Variants in ASB17 observed in about 807,000 individuals in gnomAD.
ASB17 encodes the protein ankyrin repeat and SOCS box protein 17.
ASB17 carries 26 observed loss-of-function variants against 25.7 expected under a neutral mutation model. The ratio of observed to expected loss-of-function variants is 1.01; its 90% CI spans 0.74 to 1.40. The LOEUF (loss-of-function observed/expected upper bound fraction) is 1.40. ASB17 is among the 40% of genes most tolerant of loss of function. The pLI, the probability that ASB17 is intolerant of heterozygous loss-of-function variation, is 0.00. For synonymous variants in ASB17, 128 were observed against 121.4 expected, an observed-to-expected ratio of 1.05 and a Z score of -0.36; for missense variants, 326 against 338.5, an observed-to-expected ratio of 0.96 and a Z score of 0.29.
At chr1:75,928,391 C>A (rs1653229696) in intron 1 of ASB17, among the ~76,000 whole-genome samples, 1 of 152,196 alleles carries the variant, frequency 6.6e-6, no homozygotes, top group Non-Finnish European at 1.5e-5. Flanking sequence ...TAGCCACCTA[C>A]AATCTGTCAC....
intron 1 of ASB17, among the ~76,000 whole-genome samples, chr1:75,924,214 G>C (rs963532660): frequency 6.6e-6 from 1 of 152,170 alleles, no homozygotes; most frequent in Non-Finnish European, 1.5e-5. Context: ...AGCTATAGAA[G>C]ATAAATGTTT....
Position 75,918,886 on chromosome 1 carries a change from A to T in ASB17, c.*66T>A. 1 of 1,318,640 alleles carries T rather than the reference A, an allele frequency of 7.6e-7. No homozygotes were observed. Among genetic ancestry groups the T allele is most frequent in the Non-Finnish European group, 1.1e-6 (1 of 924,454 alleles). The allele number at this position is 1,318,640 out of a possible 1,614,324, so 81.7% of individuals were successfully genotyped here. ...TGCAATAAAAACTTACATGAAGTGA[A>T]TTTTTATTAACTTCTAAGCCATACA... On this transcript the variant is annotated 3_prime_UTR_variant, in exon 3 of 3. Transcript: ENST00000284142.
Position 75,932,205 on chromosome 1 carries a change from T to A in ASB17, c.87A>T (p.Arg29Ser), listed in dbSNP as rs1486382911. The change falls in exon 1 of 3, where the codon AGA becomes AGT. Residue 29 changes from arginine (R) to serine (S), a missense_variant. By Grantham distance (110) the Arg-to-Ser change is moderately radical. Coordinates refer to ENST00000284142, the MANE Select transcript of ASB17 (RefSeq NM_080868.3). Reference sequence around the variant, plus strand: ...ACTGACCCAAAAACTGTAGGGAGGGTCTTTTAACAATTTTGTCAAGGAGAT... The same window carrying A: ...ACTGACCCAAAAACTGTAGGGAGGGACTTTTAACAATTTTGTCAAGGAGAT... ...FCNLLDKIVK[R>S]PSLQFLGQWG... The A allele has an allele frequency of 3.1e-6, 5 of 1,613,782 alleles. No individual in the cohort carries two copies. Among genetic ancestry groups the A allele is most frequent in the Non-Finnish European group, 4.2e-6 (5 of 1,179,934 alleles).
Position 75,932,199 on chromosome 1 carries a change from G to A in ASB17, c.93C>T (p.Ser31=). The A allele has an allele frequency of 1.2e-6, 2 of 1,614,000 alleles. No individual in the cohort carries two copies. The highest frequency in any genetic ancestry group is 1.7e-6 in the Non-Finnish European group (2 of 1,179,978). The change falls in exon 1 of 3, where the codon TCC becomes TCT. Residue 31 remains serine (S), a synonymous_variant. Coordinates refer to ENST00000284142, the MANE Select transcript of ASB17 (RefSeq NM_080868.3). The stretch of plus-strand genomic sequence containing the variant: ...ATCCCCACTGACCCAAAAACTGTAG[G>A]GAGGGTCTTTTAACAATTTTGTCAA... The part of the protein sequence containing the change: ...NLLDKIVKRP[S]LQFLGQWGYH...
rs759715484 is a variant in ASB17 at position 75,932,082 on chromosome 1, G to A, written c.210C>T (p.Tyr70=). Reference sequence around the variant, plus strand: ...ATCCTGATTTTTCCACAAATGCAATGTAATCTGTGAGTAGTGCGTCAAAAC... The same window carrying A: ...ATCCTGATTTTTCCACAAATGCAATATAATCTGTGAGTAGTGCGTCAAAAC... The part of the protein sequence containing the change: ...LDGFDALLTD[Y]IAFVEKSGYR... Residue 70 remains tyrosine, a synonymous_variant, in exon 1 of 3, where the codon TAC becomes TAT. Coordinates refer to ENST00000284142, the MANE Select transcript of ASB17 (RefSeq NM_080868.3). The A allele has an allele frequency of 6.8e-6, 11 of 1,613,952 alleles. No homozygotes were observed. In the South Asian group the frequency reaches 1.2e-4, roughly 18 times the overall value.
chr1:75,926,977 AG>A (rs1653190122), intron 1 of ASB17, among the ~76,000 whole-genome samples: 1 of 152,148 alleles, frequency 6.6e-6, no homozygotes, highest in Non-Finnish European at 1.5e-5. Context: ...TAAGATCTTG[AG>A]GTGGGAAATT....
chr1:75,922,367 T>A lies in ASB17; in HGVS notation c.402-8A>T. ...TATACTGGTGTGAAAGTTCTGTGAA[T>A]TAAACAAAACAAAAACTCATTGGAT... On this transcript the variant is annotated splice_region_variant and splice_polypyrimidine_tract_variant and intron_variant, in intron 1 of 2. Transcript: ENST00000284142. 1 of 1,549,224 alleles carries A rather than the reference T, an allele frequency of 6.5e-7. No individual in the cohort carries two copies. Among genetic ancestry groups the A allele is most frequent in the Non-Finnish European group, 8.7e-7 (1 of 1,149,328 alleles).
Position 75,918,949 on chromosome 1 carries a change from A to G in ASB17, c.*3T>C, listed in dbSNP as rs374023774. The G allele has an allele frequency of 1.8e-5, 29 of 1,602,002 alleles. No homozygotes were observed. The highest frequency in any genetic ancestry group is 2.2e-5 in the Non-Finnish European group (26 of 1,169,336). On this transcript the variant is annotated 3_prime_UTR_variant, in exon 3 of 3. Coordinates refer to ENST00000284142, the MANE Select transcript of ASB17 (RefSeq NM_080868.3). ...GTTAAGGAACTTAGGACACTGACGT[A>G]TGTTAGATTTCTAAATTCAGATAGT...
rs180918088 is a variant in ASB17, at chr1:75,925,764, C to A, written c.402-3405G>T. On this transcript the variant is annotated intron_variant, in intron 1 of 2. Transcript: ENST00000284142. Reference sequence around the variant, plus strand: ...TGCAGAGAATTATTCAGTTTTTTAGCTATAATTATTTCTAATTTTTTTCCC... The same window carrying A: ...TGCAGAGAATTATTCAGTTTTTTAGATATAATTATTTCTAATTTTTTTCCC... Among the ~76,000 whole-genome samples, 318 of 152,228 alleles carry A rather than the reference C, an allele frequency of 2.1e-3. 1 individual carries two copies. Among genetic ancestry groups the A allele is most frequent in the South Asian group, 0.014 (68 of 4,822 alleles).
chr1:75,926,284 T>C (rs138437144), intron 1 of ASB17, among the ~76,000 whole-genome samples: 1 of 152,258 alleles, frequency 6.6e-6, no homozygotes, highest in East Asian at 1.9e-4. Flanking sequence ...GAAAAAAGAA[T>C]AAGTAGAGCA....
At chr1:75,921,686 G>GT (rs1653031747) in intron 2 of ASB17, among the ~76,000 whole-genome samples, 1 of 152,022 alleles carries the variant, frequency 6.6e-6, no homozygotes, top group African/African-American at 2.4e-5. Context: ...GAAAAAATCT[G>GT]TTTTTTGACA....
Position 75,932,064 on chromosome 1 carries a change from T to G in ASB17, c.228A>C (p.Lys76Asn), listed in dbSNP as rs1421166792. Reference sequence around the variant, plus strand: ...AACTTACTTCAAAACGGTATCCTGATTTTTCCACAAATGCAATGTAATCTG... The same window carrying G: ...AACTTACTTCAAAACGGTATCCTGAGTTTTCCACAAATGCAATGTAATCTG... ...LLTDYIAFVEKSGYRFEVSFN... is the reference protein window; with the variant it reads ...LLTDYIAFVENSGYRFEVSFN... The change falls in exon 1 of 3, where the codon AAA (lysine) becomes AAC (asparagine). Residue 76 changes from lysine (K) to asparagine (N), a missense_variant. By Grantham distance (94) the Lys-to-Asn change is moderately conservative. Coordinates refer to ENST00000284142, the MANE Select transcript of ASB17 (RefSeq NM_080868.3). The G allele has an allele frequency of 1.9e-6, 3 of 1,613,970 alleles. No individual in the cohort carries two copies.
intron 1 of ASB17, among the ~76,000 whole-genome samples, chr1:75,929,195 G>A (rs1238931130): frequency 6.6e-6 from 1 of 151,744 alleles, no homozygotes; most frequent in African/African-American, 2.4e-5. Flanking sequence ...CTTTCATGTA[G>A]GGTTTTTATT....
rs1652952946 is a variant in ASB17, at chr1:75,918,935, T to G, written c.*17A>C. On this transcript the variant is annotated 3_prime_UTR_variant, in exon 3 of 3. Transcript: ENST00000284142. ...CATTGGTAAGCATTGTTAAGGAACT[T>G]AGGACACTGACGTATGTTAGATTTC... 6.3e-7 allele frequency: 1 copy of G among 1,589,820 alleles called. No homozygotes were observed. Among genetic ancestry groups the G allele is most frequent in the Non-Finnish European group, 8.6e-7 (1 of 1,158,342 alleles).
intron 1 of ASB17, among the ~76,000 whole-genome samples, chr1:75,925,578 A>G (rs1653148872): frequency 6.6e-6 from 1 of 152,152 alleles, no homozygotes; most frequent in African/African-American, 2.4e-5. Context: ...GAATTTGCTT[A>G]ATCTGTACTG....
In ASB17 at chr1:75,928,137, C is replaced by T. The variant is rs150196462; in HGVS notation, c.401+3754G>A. On this transcript the variant is annotated intron_variant, in intron 1 of 2. Coordinates refer to ENST00000284142, the MANE Select transcript of ASB17 (RefSeq NM_080868.3). The stretch of plus-strand genomic sequence containing the variant: ...ATTGAGCCTTCTCAGATACCTACTC[C>T]TCCCTAATGGTGTTAACAATTTCCT... Among the ~76,000 whole-genome samples the T allele has an allele frequency of 6.2e-4, 94 of 152,280 alleles. No homozygotes were observed. The East Asian group carries it at 0.017, about 28-fold the overall frequency.
intron 1 of ASB17, among the ~76,000 whole-genome samples, chr1:75,926,452 C>G (rs1261680580): frequency 1.3e-5 from 2 of 152,146 alleles, no homozygotes; most frequent in African/African-American, 4.8e-5. Context: ...GGCCCTATGG[C>G]GGGAGACTGT....
chr1:75,925,667 G>A (rs546461796), intron 1 of ASB17, among the ~76,000 whole-genome samples: 2 of 152,294 alleles, frequency 1.3e-5, no homozygotes, highest in South Asian at 4.1e-4. Flanking sequence ...TGAGGTTAAT[G>A]AACTGAACTC....
At chr1:75,930,550 G>A (rs890519733) in intron 1 of ASB17, among the ~76,000 whole-genome samples, 3 of 151,910 alleles carry the variant, frequency 2.0e-5, no homozygotes, top group Non-Finnish European at 4.4e-5. Flanking sequence ...AAAATTCTAT[G>A]ATTCTGAGAG....
Sources: gnomAD v4.1 joint callset for allele counts (sites outside exome capture counted in the v4.1 genomes callset) on GRCh38, gnomAD v4.1.1 for gene constraint, MANE v1.5 for transcripts, NCBI Gene and HGNC (gene_info 2026-07-23, HGNC 2026-07-21) for gene names.